Variants in TPD52 observed in about 807,000 individuals in gnomAD.
TPD52 encodes the protein prostate and colon associated protein.
In TPD52, 17 loss-of-function variants were observed where a neutral mutation model predicts 31.3. The observed-to-expected ratio is 0.54, with a 90% CI of 0.37 to 0.82. The LOEUF (loss-of-function observed/expected upper bound fraction) is 0.82. TPD52 is among the 40% of genes least tolerant of loss of function. The pLI is 0.00. For synonymous variants in TPD52, 83 were observed against 89.6 expected (o/e 0.93, Z 0.42); for missense variants, 212 against 240.1 (o/e 0.88, Z 0.77).
At chr8:80,102,971 G>C (rs1441386757) in intron 1 of TPD52, among the ~76,000 whole-genome samples, 3 of 152,176 alleles carry the variant, frequency 2.0e-5, no homozygotes, top group Non-Finnish European at 4.4e-5. Context: ...GGACGTTCCT[G>C]GAGAACGGCA....
rs1230148426 is a variant in TPD52 at position 80,044,183 on chromosome 8, T to C, written c.439A>G (p.Ser147Gly). The C allele has an allele frequency of 6.3e-7, 1 of 1,588,178 alleles. No individual in the cohort carries two copies. The highest frequency in any genetic ancestry group is 8.5e-7 in the Non-Finnish European group (1 of 1,171,738). The change falls in exon 6 of 8, where the codon AGC (serine) becomes GGC (glycine). Residue 147 changes from serine to glycine, a missense_variant. Coordinates refer to ENST00000518937, the MANE Select transcript of TPD52 (RefSeq NM_001025253.3). ...ATACTTTACCTCATAGCAGGCATGC[T>C]AATTGAATGCTGAATGGAACGTATA... Reference protein sequence around the residue: ...FSIRSIQHSISMPAMRNSPTF... With the variant: ...FSIRSIQHSIGMPAMRNSPTF...
intron 1 of TPD52, among the ~76,000 whole-genome samples, chr8:80,087,827 T>A (rs2130866685): frequency 6.6e-6 from 1 of 152,288 alleles, no homozygotes; most frequent in South Asian, 2.1e-4. Flanking sequence ...GAGAGGTTAA[T>A]GAACACCCCA....
chr8:80,071,074 G>T (rs1368080981), intron 1 of TPD52, among the ~76,000 whole-genome samples: 1 of 152,146 alleles, frequency 6.6e-6, no homozygotes, highest in Non-Finnish European at 1.5e-5. Context: ...GAACACCAAG[G>T]TCTGCAAGCA....
At chr8:80,100,113 A>G (rs980904789) in intron 1 of TPD52, among the ~76,000 whole-genome samples, 12 of 152,222 alleles carry the variant, frequency 7.9e-5, no homozygotes, top group African/African-American at 2.9e-4. Context: ...GATTCTTGAT[A>G]AAGAGGATTT....
intron 1 of TPD52, among the ~76,000 whole-genome samples, chr8:80,165,269 TA>T (rs914868000): frequency 2.0e-5 from 3 of 152,212 alleles, no homozygotes; most frequent in Non-Finnish European, 4.4e-5. Context: ...GGTGGAAGTA[TA>T]ACTGGCACCA....
rs1809813968 is a variant in TPD52, at chr8:80,035,077, CTCTAA to C, written c.*3034_*3038del. On this transcript the variant is annotated 3_prime_UTR_variant, in exon 8 of 8. Transcript: ENST00000518937. ...ATTAACTGTGGCCCACACAGGGTCT[CTCTAA>C]TCTAATGAAAACAGGACAGTCACTG... 6.6e-6 allele frequency: 1 copy of C among 152,218 alleles called. No homozygotes were observed. Among genetic ancestry groups the C allele is most frequent in the Admixed American group, 6.5e-5 (1 of 15,286 alleles). The allele number at this position is 152,218 out of a possible 1,614,324, so 9.4% of individuals were successfully genotyped here. A position where few individuals can be genotyped will look rare whatever the true frequency, so the allele number is the denominator to read the frequency against.
chr8:80,151,780 T>C (rs1349956029), intron 1 of TPD52, among the ~76,000 whole-genome samples: 2 of 152,224 alleles, frequency 1.3e-5, no homozygotes, highest in African/African-American at 2.4e-5. Flanking sequence ...GTCTCTTTTA[T>C]AGAATGGAGG....
chr8:80,071,434 C>G (rs1813769866), intron 1 of TPD52, among the ~76,000 whole-genome samples: 1 of 152,146 alleles, frequency 6.6e-6, no homozygotes, highest in African/African-American at 2.4e-5. Context: ...CTCCCTGAGT[C>G]TTGGCTCTCA....
chr8:80,134,585 G>T (rs138180125), intron 1 of TPD52, among the ~76,000 whole-genome samples: 6 of 152,296 alleles, frequency 3.9e-5, no homozygotes, highest in African/African-American at 1.4e-4. Flanking sequence ...ACTTGTGAAG[G>T]GAGTAAAGGA....
At chr8:80,100,203 G>A (rs183170413) in intron 1 of TPD52, among the ~76,000 whole-genome samples, 1 of 152,302 alleles carries the variant, frequency 6.6e-6, no homozygotes, top group African/African-American at 2.4e-5. Flanking sequence ...AATTGCAGAA[G>A]GGGGCAAAGT....
chr8:80,056,365 G>C (rs987884575), intron 2 of TPD52, among the ~76,000 whole-genome samples: 1 of 152,166 alleles, frequency 6.6e-6, no homozygotes, highest in African/African-American at 2.4e-5. Flanking sequence ...GTTAGAGGTT[G>C]GGAAAGGGAG....
At chr8:80,136,523 C>CAAAAAAAAAA (rs56656428) in intron 1 of TPD52, among the ~76,000 whole-genome samples, 1 of 67,096 alleles carries the variant, frequency 1.5e-5, no homozygotes. Context: ...GACTCTGTCT[C>CAAAAAAAAAA]AAAAAAAAAA....
chr8:80,076,074 T>C (rs1428652206), intron 1 of TPD52, among the ~76,000 whole-genome samples: 2 of 152,160 alleles, frequency 1.3e-5, no homozygotes, highest in South Asian at 2.1e-4. Flanking sequence ...CTTAAGTCAA[T>C]AGAAATAACC....
chr8:80,119,192 A>G (rs1808076552), intron 1 of TPD52, among the ~76,000 whole-genome samples: 1 of 152,248 alleles, frequency 6.6e-6, no homozygotes, highest in South Asian at 2.1e-4. Context: ...AAACCCATTT[A>G]TATGACATAT....
intron 7 of TPD52, among the ~76,000 whole-genome samples, chr8:80,038,641 GA>G (rs1810087417): frequency 6.6e-6 from 1 of 152,140 alleles, no homozygotes; most frequent in South Asian, 2.1e-4. Flanking sequence ...TACAACATGG[GA>G]AAGAAATATA....
intron 1 of TPD52, among the ~76,000 whole-genome samples, chr8:80,077,751 A>G (rs1437919327): frequency 6.6e-6 from 1 of 152,200 alleles, no homozygotes; most frequent in Non-Finnish European, 1.5e-5. Flanking sequence ...TCATTCATTC[A>G]TTCATGCATT....
At chr8:80,119,615 C>A (rs1808111337) in intron 1 of TPD52, among the ~76,000 whole-genome samples, 1 of 152,204 alleles carries the variant, frequency 6.6e-6, no homozygotes, top group Non-Finnish European at 1.5e-5. Context: ...AAAGGGATTT[C>A]AATTTTTTAC....
At chr8:80,060,775 A>G (rs190676090) in intron 2 of TPD52, among the ~76,000 whole-genome samples, 2 of 148,060 alleles carry the variant, frequency 1.4e-5, no homozygotes, top group African/African-American at 5.0e-5. Context: ...CTCTTTCATG[A>G]AAAAAAAAAC....
chr8:80,073,563 T>C (rs993158934), intron 1 of TPD52, among the ~76,000 whole-genome samples: 13 of 152,208 alleles, frequency 8.5e-5, no homozygotes, highest in Non-Finnish European at 1.5e-5. Context: ...TCCAATCCTG[T>C]GTCTTTAGCC....
Sources: allele counts gnomAD v4.1 joint callset (sites outside exome capture counted in the v4.1 genomes callset), GRCh38; gene constraint gnomAD v4.1.1; transcripts MANE v1.5; gene names NCBI Gene and HGNC (gene_info 2026-07-23, HGNC 2026-07-21).